Variants in ADAM22 observed in about 807,000 individuals in gnomAD.
ADAM22 encodes the protein ADAM metallopeptidase domain 22.
Under a neutral mutation model 144.6 loss-of-function variants are expected in ADAM22, and 65 were observed. The observed-to-expected ratio is 0.45, with a 90% CI of 0.37 to 0.55. ADAM22 has a LOEUF of 0.55. ADAM22 is among the 20% of genes least tolerant of loss of function. The pLI is 0.00. For synonymous variants in ADAM22, 391 were observed against 412.6 expected, an observed-to-expected ratio of 0.95 and a Z score of 0.63; for missense variants, 974 against 1,184.9, an observed-to-expected ratio of 0.82 and a Z score of 2.61.
At chr7:88,145,915 T>C (rs1472905155) in intron 17 of ADAM22, among the ~76,000 whole-genome samples, 1 of 152,216 alleles carries the variant, frequency 6.6e-6, no homozygotes, top group African/African-American at 2.4e-5. Flanking sequence ...AGATCTTTTC[T>C]TGTTGCTCAG....
intron 3 of ADAM22, among the ~76,000 whole-genome samples, chr7:88,001,297 A>T (rs543153802): frequency 6.6e-6 from 1 of 152,360 alleles, no homozygotes; most frequent in East Asian, 1.9e-4. Flanking sequence ...TATGTACCTT[A>T]CAAACATAAC....
At chr7:88,009,668 G>T (rs1199832214) in intron 3 of ADAM22, among the ~76,000 whole-genome samples, 1 of 152,106 alleles carries the variant, frequency 6.6e-6, no homozygotes, top group Non-Finnish European at 1.5e-5. Flanking sequence ...TTAGGTGTCT[G>T]TGATAATGGA....
chr7:88,192,914 C>A (rs1405919456), intron 30 of ADAM22, among the ~76,000 whole-genome samples: 1 of 152,092 alleles, frequency 6.6e-6, no homozygotes, highest in African/African-American at 2.4e-5. Flanking sequence ...TTTAAATAAT[C>A]CATTGCAGTC....
At chr7:88,005,057 G>A (rs1584955029) in intron 3 of ADAM22, among the ~76,000 whole-genome samples, 1 of 152,056 alleles carries the variant, frequency 6.6e-6, no homozygotes, top group East Asian at 1.9e-4. Flanking sequence ...CTGTTTGGGG[G>A]GCTGAGATGG....
At chr7:88,108,574 C>A (rs1288442283) in intron 5 of ADAM22, among the ~76,000 whole-genome samples, 3 of 151,654 alleles carry the variant, frequency 2.0e-5, no homozygotes, top group Non-Finnish European at 4.4e-5. Context: ...ACTAAAAATA[C>A]AAAAATTAGC....
intron 4 of ADAM22, among the ~76,000 whole-genome samples, chr7:88,084,137 CAGCAGACAGCTCTCTGCTGTCTCT>C (rs1817757633): frequency 6.6e-6 from 1 of 152,078 alleles, no homozygotes; most frequent in Admixed American, 6.6e-5. Flanking sequence ...AGGGTGGACC[CAGCAGACAGCTCTCTGCTGTCTCT>C]ACAGTAATAT....
chr7:87,993,467 G>A (rs746495243), intron 3 of ADAM22, among the ~76,000 whole-genome samples: 2 of 152,136 alleles, frequency 1.3e-5, no homozygotes, highest in African/African-American at 2.4e-5. Context: ...ATGTCAGATT[G>A]CACAATAATA....
intron 3 of ADAM22, among the ~76,000 whole-genome samples, chr7:88,062,582 C>CATGT (rs1422145275): frequency 2.0e-5 from 3 of 152,172 alleles, no homozygotes; most frequent in Non-Finnish European, 4.4e-5. Context: ...TTTTATCATT[C>CATGT]ATGTGTTCAG....
At chr7:88,004,593 A>G (rs929816828) in intron 3 of ADAM22, among the ~76,000 whole-genome samples, 4 of 152,244 alleles carry the variant, frequency 2.6e-5, no homozygotes, top group African/African-American at 7.2e-5. Context: ...TAAATTGTGT[A>G]AGGCCACCCC....
In ADAM22 at chr7:87,969,059, T is replaced by C. The variant is rs76224807; in HGVS notation, c.247-9277T>C. Among the ~76,000 whole-genome samples, 873 of 152,296 alleles carry C rather than the reference T, an allele frequency of 5.7e-3. 11 individuals carry two copies. Among genetic ancestry groups the C allele is most frequent in the East Asian group, 0.045 (233 of 5,164 alleles). Reference sequence around the variant, plus strand: ...GTCCACCTCCATGATGTAGTCACTGTGCACCAGGCCTCTCCTCCAACACTG... The same window carrying C: ...GTCCACCTCCATGATGTAGTCACTGCGCACCAGGCCTCTCCTCCAACACTG... On this transcript the variant is annotated intron_variant, in intron 2 of 31. Coordinates refer to ENST00000413139, the MANE Select transcript of ADAM22 (RefSeq NM_001324418.2).
chr7:88,181,391 C>G lies in ADAM22; in HGVS notation c.2496-114C>G, dbSNP rs1050444670. 3 of 791,886 alleles carry G rather than the reference C, an allele frequency of 3.8e-6. No homozygotes were observed. The East Asian group carries it at 8.3e-5, about 22-fold the overall frequency. 49.1% of individuals were successfully genotyped at this position (791,886 alleles called of 1,614,324 possible). A position where few individuals can be genotyped will look rare whatever the true frequency, so the allele number is the denominator to read the frequency against. On this transcript the variant is annotated intron_variant, in intron 27 of 31. Transcript: ENST00000413139. The stretch of plus-strand genomic sequence containing the variant: ...TTCATTCTTTCATTTCAGATTTTTT[C>G]TTTCTTGATTTATTTTATTTAATGC...
Position 88,150,352 on chromosome 7 carries a change from G to A in ADAM22, c.1567-629G>A, listed in dbSNP as rs573182132. ...CATGATATCATCAGAAGACAAAGAGGCAACATAATTGCATGCTTTGCTGTC... is the reference window on the plus strand; with the variant it reads ...CATGATATCATCAGAAGACAAAGAGACAACATAATTGCATGCTTTGCTGTC... On this transcript the variant is annotated intron_variant, in intron 18 of 31. Transcript: ENST00000413139. 6.6e-5 allele frequency among the ~76,000 whole-genome samples: 10 copies of A among 152,274 alleles called. No homozygotes were observed. In the South Asian group the frequency reaches 2.1e-3, roughly 32 times the overall value.
In ADAM22 at chr7:88,130,401, G is replaced by A. The variant is rs1349217218; in HGVS notation, c.767G>A (p.Arg256Gln). 1.7e-5 allele frequency: 28 copies of A among 1,611,576 alleles called. No homozygotes were observed. Among genetic ancestry groups the A allele is most frequent in the Non-Finnish European group, 2.2e-5 (26 of 1,178,790 alleles). The change falls in exon 10 of 32, where the codon CGG becomes CAG. Residue 256 changes from arginine to glutamine, a missense_variant. This residue lies in a region of ADAM22 where 734 missense variants were observed against 950.6 expected (regional missense o/e 0.77). Coordinates refer to ENST00000413139, the MANE Select transcript of ADAM22 (RefSeq NM_001324418.2). ...VNDHLMFKKHRLSVVHTNTYA... is the reference protein window; with the variant it reads ...VNDHLMFKKHQLSVVHTNTYA... Reference sequence around the variant, plus strand: ...TTTTGCTTTCAGTTTAAAAAACATCGGCTTTCCGTTGTACATACCAATACC... The same window carrying A: ...TTTTGCTTTCAGTTTAAAAAACATCAGCTTTCCGTTGTACATACCAATACC...
At position 87,944,569 on chromosome 7, in the gene ADAM22, C is replaced by T. The variant is rs752386393; in HGVS notation, c.246+9383C>T. Among the ~76,000 whole-genome samples, 14 of 152,140 alleles carry T rather than the reference C, an allele frequency of 9.2e-5. No homozygotes were observed. The South Asian group carries it at 1.2e-3, about 14-fold the overall frequency. On this transcript the variant is annotated intron_variant, in intron 2 of 31. Transcript: ENST00000413139. ...AAAGTAGGCTGGAGAGGGAGCGAGG[C>T]GAGCAGTTACCTGAGGAATGATCTA...
At chr7:88,046,236 TTTG>T (rs549668403) in intron 3 of ADAM22, among the ~76,000 whole-genome samples, 73 of 152,182 alleles carry the variant, frequency 4.8e-4, no homozygotes, top group Non-Finnish European at 9.1e-4. Context: ...TTGCTATCTT[TTTG>T]TTATTTTTTG....
intron 3 of ADAM22, among the ~76,000 whole-genome samples, chr7:88,054,676 A>ATGGTGCTCATCACTGTGAATTGTGT (rs1275800533): frequency 6.8e-6 from 1 of 147,550 alleles, no homozygotes; most frequent in African/African-American, 2.5e-5. Flanking sequence ...CGCTTCTATT[A>ATGGTGCTCATCACTGTGAATTGTGT]TGGTGCTCAT....
intron 30 of ADAM22, among the ~76,000 whole-genome samples, chr7:88,192,020 G>A (rs916267136): frequency 6.6e-6 from 1 of 152,066 alleles, no homozygotes; most frequent in Non-Finnish European, 1.5e-5. Context: ...AAACAAGGAA[G>A]GAAAAAAGAC....
intron 2 of ADAM22, among the ~76,000 whole-genome samples, chr7:87,961,987 A>G (rs985465505): frequency 6.6e-6 from 1 of 152,218 alleles, no homozygotes; most frequent in East Asian, 1.9e-4. Flanking sequence ...TCAAAGTTCC[A>G]TTCTTCTCTG....
intron 5 of ADAM22, among the ~76,000 whole-genome samples, chr7:88,111,367 CTG>C (rs1429848035): frequency 9.9e-6 from 1 of 101,002 alleles, no homozygotes; most frequent in African/African-American, 3.7e-5. Context: ...CAAGTGCGTA[CTG>C]TTTTTTTTTT....
Sources: gnomAD v4.1 joint callset for allele counts (sites outside exome capture counted in the v4.1 genomes callset) on GRCh38, gnomAD v4.1.1 for gene constraint, gnomAD v4.1.1 regional missense constraint, MANE v1.5 for transcripts, NCBI Gene and HGNC (gene_info 2026-07-23, HGNC 2026-07-21) for gene names.